BMPR1B: variants seen among roughly 807,000 people sequenced by gnomAD.
BMPR1B encodes the protein bone morphogenetic protein receptor type-1B.
BMPR1B carries 12 observed loss-of-function variants against 59.1 expected under a neutral mutation model. The ratio of observed to expected loss-of-function variants is 0.20; its 90% CI spans 0.13 to 0.33. The LOEUF (loss-of-function observed/expected upper bound fraction) is 0.33. Among genes scored for constraint, BMPR1B ranks in the 10% least tolerant of loss-of-function variants. The pLI is 1.00. For synonymous variants in BMPR1B, 237 were observed against 207.3 expected, an observed-to-expected ratio of 1.14 and a Z score of -1.23; for missense variants, 550 against 610.9, an observed-to-expected ratio of 0.90 and a Z score of 1.05.
At chr4:94,907,324 G>A (rs1728084343) in intron 2 of BMPR1B, among the ~76,000 whole-genome samples, 1 of 152,028 alleles carries the variant, frequency 6.6e-6, no homozygotes, top group Non-Finnish European at 1.5e-5. Context: ...GACCCAGAAT[G>A]GCATTGCCTA....
At chr4:94,898,393 C>A (rs984302601) in intron 2 of BMPR1B, among the ~76,000 whole-genome samples, 1 of 152,052 alleles carries the variant, frequency 6.6e-6, no homozygotes, top group Admixed American at 6.6e-5. Flanking sequence ...TTCCCATAAT[C>A]GTCACTTGTC....
chr4:94,956,805 A>AT (rs1420100064), intron 2 of BMPR1B, among the ~76,000 whole-genome samples: 1 of 110,032 alleles, frequency 9.1e-6, no homozygotes, highest in African/African-American at 4.2e-5. Context: ...GAAAGAATTT[A>AT]ATTTTTTTTT....
At chr4:94,834,204 G>A (rs908790252) in intron 1 of BMPR1B, among the ~76,000 whole-genome samples, 1 of 152,132 alleles carries the variant, frequency 6.6e-6, no homozygotes, top group African/African-American at 2.4e-5. Flanking sequence ...AGTATCAGCA[G>A]GTGATCATCC....
chr4:95,123,738 G>T, intron 6 of BMPR1B, 72 bp from the exon 7 acceptor site: 1 of 1,197,310 alleles, frequency 8.4e-7, no homozygotes. Context: ...AGTACCTTTA[G>T]GAAAGAGTTA....
chr4:95,047,265 G>C (rs542533232), intron 3 of BMPR1B, among the ~76,000 whole-genome samples: 35 of 152,116 alleles, frequency 2.3e-4, no homozygotes, highest in African/African-American at 8.2e-4. Flanking sequence ...TTTCCATAAT[G>C]CCATTTTTTT....
chr4:95,060,453 A>C (rs1727275160), intron 3 of BMPR1B, among the ~76,000 whole-genome samples: 1 of 152,188 alleles, frequency 6.6e-6, no homozygotes, highest in South Asian at 2.1e-4. Flanking sequence ...TTGTCCTAGC[A>C]CTACACAAAT....
At chr4:94,764,355 C>T (rs1183754897) in intron 1 of BMPR1B, among the ~76,000 whole-genome samples, 1 of 152,150 alleles carries the variant, frequency 6.6e-6, no homozygotes, top group East Asian at 1.9e-4. Flanking sequence ...TATTCCTGCA[C>T]TGAAAGTCAT....
rs184696858 is a variant in BMPR1B, at chr4:94,986,428, A to G, written c.-112-9612A>G. On this transcript the variant is annotated intron_variant, in intron 2 of 12. Transcript: ENST00000515059. ...CATGAACGTAAAGTTTTCAAAAACC[A>G]AAAGAATTGCTTCCATCCATCTTAA... Among the ~76,000 whole-genome samples, 165 of 152,360 alleles carry G rather than the reference A, an allele frequency of 1.1e-3. 1 individual carries two copies. The highest frequency in any genetic ancestry group is 2.5e-3 in the Admixed American group (39 of 15,302).
At chr4:94,910,925 C>A (rs970860396) in intron 2 of BMPR1B, among the ~76,000 whole-genome samples, 2 of 151,818 alleles carry the variant, frequency 1.3e-5, no homozygotes, top group South Asian at 4.2e-4. Context: ...CCACTCCCCC[C>A]AAAATTGAGA....
intron 3 of BMPR1B, among the ~76,000 whole-genome samples, chr4:95,053,434 T>C (rs1397626964): frequency 6.6e-6 from 1 of 152,128 alleles, no homozygotes; most frequent in East Asian, 1.9e-4. Flanking sequence ...TCACTAGTTG[T>C]ATGAACTCAA....
At chr4:95,132,617 AT>A (rs150665551) in intron 10 of BMPR1B, among the ~76,000 whole-genome samples, 7 of 151,008 alleles carry the variant, frequency 4.6e-5, no homozygotes, top group South Asian at 2.1e-4. Context: ...CTCCCTTCTG[AT>A]TTTTTTTTCC....
At chr4:94,910,499 T>C (rs1289041077) in intron 2 of BMPR1B, among the ~76,000 whole-genome samples, 1 of 152,130 alleles carries the variant, frequency 6.6e-6, no homozygotes, top group Non-Finnish European at 1.5e-5. Context: ...TCTAGCTAAG[T>C]AATTTATAAG....
intron 2 of BMPR1B, among the ~76,000 whole-genome samples, chr4:94,911,833 G>T (rs1022835746): frequency 6.6e-6 from 1 of 152,086 alleles, no homozygotes; most frequent in East Asian, 1.9e-4. Flanking sequence ...ATAGGAGTAG[G>T]CCCAATTTGT....
intron 10 of BMPR1B, among the ~76,000 whole-genome samples, chr4:95,147,570 C>CAA (rs377535173): frequency 1.4e-5 from 2 of 143,008 alleles, no homozygotes; most frequent in African/African-American, 5.1e-5. Flanking sequence ...AAAGCAAAAG[C>CAA]AAAAAAAAAA....
At chr4:94,949,314 T>TATGGC (rs1406901953) in intron 2 of BMPR1B, among the ~76,000 whole-genome samples, 20 of 103,606 alleles carry the variant, frequency 1.9e-4, no homozygotes, top group South Asian at 7.8e-4. Flanking sequence ...CATTCTTTTT[T>TATGGC]TTTTTTTTTT....
At chr4:95,133,738 A>T (rs917856019) in intron 10 of BMPR1B, among the ~76,000 whole-genome samples, 12 of 144,192 alleles carry the variant, frequency 8.3e-5, no homozygotes, top group African/African-American at 2.3e-4. Context: ...TGCCTGGCTA[A>T]TTTTTTTTTT....
chr4:95,015,154 C>G (rs1052727908), intron 3 of BMPR1B, among the ~76,000 whole-genome samples: 2 of 152,164 alleles, frequency 1.3e-5, no homozygotes, highest in Admixed American at 6.6e-5. Flanking sequence ...CCTCAGCACC[C>G]ATAAACATAC....
At chr4:94,801,345 C>T (rs1189799680) in intron 1 of BMPR1B, among the ~76,000 whole-genome samples, 1 of 152,182 alleles carries the variant, frequency 6.6e-6, no homozygotes, top group African/African-American at 2.4e-5. Context: ...AACAAAATAA[C>T]CCTACCCATT....
intron 2 of BMPR1B, among the ~76,000 whole-genome samples, chr4:94,889,477 T>G (rs35992199): frequency 0.18 from 27,026 of 152,054 alleles, 2,524 homozygotes; most frequent in South Asian, 0.22. Context: ...CCAGAGCTCA[T>G]GCATGTTCTC....
Sources: gnomAD v4.1 joint callset for allele counts (sites outside exome capture counted in the v4.1 genomes callset) on GRCh38, gnomAD v4.1.1 for gene constraint, MANE v1.5 for transcripts, NCBI Gene and HGNC (gene_info 2026-07-23, HGNC 2026-07-21) for gene names.